SMAD6: variants seen among roughly 807,000 people sequenced by gnomAD.
The protein encoded by SMAD6 is MAD homolog 6.
Under a neutral mutation model 39.4 loss-of-function variants are expected in SMAD6, and 103 were observed. The observed-to-expected ratio is 2.62, with a 90% CI of 2.23 to 3.08. The LOEUF (loss-of-function observed/expected upper bound fraction) is 3.08, where lower values mean the gene tolerates loss of function less well. Ranked by LOEUF, SMAD6 falls within the 30% of genes most tolerant of loss-of-function variation. The pLI is 0.00. For missense variants in SMAD6, 1,104 were observed against 742.9 expected (o/e 1.49, Z -5.65); for synonymous variants, 445 against 353.3 (o/e 1.26, Z -2.91).
chr15:66,726,124 C>G (rs182172015), intron 3 of SMAD6, among the ~76,000 whole-genome samples: 4 of 152,142 alleles, frequency 2.6e-5, no homozygotes, highest in Non-Finnish European at 5.9e-5. Flanking sequence ...CTCCCAGGCC[C>G]CTTCTCTGCA....
intron 3 of SMAD6, among the ~76,000 whole-genome samples, chr15:66,751,696 G>A (rs1250542498): frequency 6.6e-6 from 1 of 152,258 alleles, no homozygotes; most frequent in African/African-American, 2.4e-5. Context: ...TCTTCAGTGG[G>A]TCATTGTGCC....
chr15:66,758,080 A>G (rs541367398), intron 3 of SMAD6, among the ~76,000 whole-genome samples: 7 of 152,326 alleles, frequency 4.6e-5, no homozygotes, highest in African/African-American at 1.4e-4. Flanking sequence ...CTGCGGGTGG[A>G]CGCAGTGGCA....
At chr15:66,736,535 T>C (rs1405348080) in intron 3 of SMAD6, among the ~76,000 whole-genome samples, 1 of 152,174 alleles carries the variant, frequency 6.6e-6, no homozygotes, top group Non-Finnish European at 1.5e-5. Flanking sequence ...CAGGGCCTCA[T>C]GAGGGTGCTG....
chr15:66,703,468 C>G lies in SMAD6; in HGVS notation c.210C>G (p.Asp70Glu), dbSNP rs1045719756. ...CGGTAGCCCCGCGGCGGCCCCGGGACGCAGTGGGACAGCGAGGCGCCCAGG... is the reference window on the plus strand; with the variant it reads ...CGGTAGCCCCGCGGCGGCCCCGGGAGGCAGTGGGACAGCGAGGCGCCCAGG... Reference protein sequence around the residue: ...VRPVAPRRPRDAVGQRGAQGA... With the variant: ...VRPVAPRRPREAVGQRGAQGA... The change falls in exon 1 of 4, where the codon GAC becomes GAG. Residue 70 changes from aspartate to glutamate, a missense_variant. By Grantham distance (45) the Asp-to-Glu change is conservative. Coordinates refer to ENST00000288840, the MANE Select transcript of SMAD6 (RefSeq NM_005585.5). 2.4e-6 allele frequency: 3 copies of G among 1,248,720 alleles called. No individual in the cohort carries two copies. The highest frequency in any genetic ancestry group is 7.5e-5 in the South Asian group (2 of 26,550). 77.4% of individuals were successfully genotyped at this position (1,248,720 alleles called of 1,614,324 possible).
intron 3 of SMAD6, among the ~76,000 whole-genome samples, chr15:66,729,528 T>G (rs1224399230): frequency 6.6e-6 from 1 of 152,098 alleles, no homozygotes; most frequent in Non-Finnish European, 1.5e-5. Flanking sequence ...GCAGTGTCCT[T>G]TGGGGCTTTG....
At chr15:66,723,691 A>T (rs1045472776) in intron 3 of SMAD6, among the ~76,000 whole-genome samples, 1 of 152,220 alleles carries the variant, frequency 6.6e-6, no homozygotes, top group Admixed American at 6.5e-5. Context: ...AGTAAGAAAC[A>T]TAAAAATTAA....
At chr15:66,710,275 G>A (rs1313788559) in intron 1 of SMAD6, among the ~76,000 whole-genome samples, 1 of 152,218 alleles carries the variant, frequency 6.6e-6, no homozygotes, top group African/African-American at 2.4e-5. Flanking sequence ...GTCTAAAATA[G>A]TAAAATTGAA....
At chr15:66,760,274 C>T (rs891692100) in intron 3 of SMAD6, among the ~76,000 whole-genome samples, 14 of 152,268 alleles carry the variant, frequency 9.2e-5, no homozygotes, top group Admixed American at 3.3e-4. Context: ...AGATGTGTCT[C>T]GGTCTCCTGG....
chr15:66,779,723 T>G (rs1894525640), intron 3 of SMAD6, among the ~76,000 whole-genome samples: 1 of 152,204 alleles, frequency 6.6e-6, no homozygotes, highest in Non-Finnish European at 1.5e-5. Context: ...TCAGTTTTCC[T>G]CAGAAAAAGA....
intron 3 of SMAD6, among the ~76,000 whole-genome samples, chr15:66,745,563 C>G (rs1363729439): frequency 1.3e-5 from 2 of 152,230 alleles, no homozygotes; most frequent in Non-Finnish European, 2.9e-5. Flanking sequence ...GCACAAACAC[C>G]CATCTTAGAT....
chr15:66,746,129 C>T (rs1458299961), intron 3 of SMAD6, among the ~76,000 whole-genome samples: 3 of 152,234 alleles, frequency 2.0e-5, no homozygotes, highest in African/African-American at 7.2e-5. Flanking sequence ...CCTCTGCCCA[C>T]CCCTTCTGGA....
rs1413178530 is a variant in SMAD6, at chr15:66,703,208, C to T, written c.-51C>T. ...GGCGCCTCGCTGAGGGAACGGACCC[C>T]CGGTAACCGGAGACCGCCTCCCCCC... On this transcript the variant is annotated 5_prime_UTR_variant, in exon 1 of 4. Coordinates refer to ENST00000288840, the MANE Select transcript of SMAD6 (RefSeq NM_005585.5). The T allele has an allele frequency of 2.9e-5, 38 of 1,296,362 alleles. No homozygotes were observed. Among genetic ancestry groups the T allele is most frequent in the Admixed American group, 3.9e-5 (1 of 25,732 alleles). 80.3% of individuals were successfully genotyped at this position (1,296,362 alleles called of 1,614,324 possible). A position where few individuals can be genotyped will look rare whatever the true frequency, so the allele number is the denominator to read the frequency against.
At position 66,703,568 on chromosome 15, in the gene SMAD6, C is replaced by T; in HGVS notation, c.310C>T (p.Leu104=). 2 of 1,225,380 alleles carry T rather than the reference C, an allele frequency of 1.6e-6. No individual in the cohort carries two copies. Among genetic ancestry groups the T allele is most frequent in the Non-Finnish European group, 2.0e-6 (2 of 981,066 alleles). The allele number at this position is 1,225,380 out of a possible 1,614,324, so 75.9% of individuals were successfully genotyped here. ...SEPGAGAGSS[L]LDVAEPGGPG... ...GCCAGGGGCCGGCGCTGGGAGCTCC[C>T]TGCTGGACGTGGCGGAGCCGGGAGG... The change falls in exon 1 of 4, where the codon CTG becomes TTG. Residue 104 remains leucine, a synonymous_variant. Transcript: ENST00000288840.
chr15:66,736,594 T>A (rs1287982076), intron 3 of SMAD6, among the ~76,000 whole-genome samples: 1 of 152,138 alleles, frequency 6.6e-6, no homozygotes. Flanking sequence ...TGAAAAAATA[T>A]TGATGCCTGG....
chr15:66,729,774 G>A (rs1259128708), intron 3 of SMAD6, among the ~76,000 whole-genome samples: 1 of 152,260 alleles, frequency 6.6e-6, no homozygotes, highest in East Asian at 1.9e-4. Context: ...GGTTTTCCAC[G>A]GAAATAACTT....
At chr15:66,749,629 T>A (rs868732708) in intron 3 of SMAD6, among the ~76,000 whole-genome samples, 8 of 151,956 alleles carry the variant, frequency 5.3e-5, no homozygotes, top group Middle Eastern at 3.4e-3. Context: ...AACAAAAAAA[T>A]TTAATGGAGT....
At chr15:66,731,431 C>T (rs1893627069) in intron 3 of SMAD6, among the ~76,000 whole-genome samples, 1 of 108,812 alleles carries the variant, frequency 9.2e-6, no homozygotes, top group Admixed American at 9.3e-5. Flanking sequence ...GAGCGAGACT[C>T]CGTCTCAAAA....
chr15:66,780,799 C>T lies in SMAD6; in HGVS notation c.953-198C>T, dbSNP rs12591871. 7.9e-3 allele frequency among the ~76,000 whole-genome samples: 1,210 copies of T among 152,314 alleles called. 94 individuals carry two copies. The East Asian group carries it at 0.17, about 21-fold the overall frequency. On this transcript the variant is annotated intron_variant, in intron 3 of 3. Coordinates refer to ENST00000288840, the MANE Select transcript of SMAD6 (RefSeq NM_005585.5). ...ACCTTTGTTTTCTCCTTTGTGTGAG[C>T]TTGTGTGTGTGAAAGAGATGTCCCG...
chr15:66,719,642 C>T (rs2119261), intron 3 of SMAD6, among the ~76,000 whole-genome samples: 65,152 of 152,068 alleles, frequency 0.43, 14,567 homozygotes, highest in African/African-American at 0.54. Flanking sequence ...TATCCAGCTC[C>T]ATGGTCTCTG....
Sources: gnomAD v4.1 joint callset for allele counts (sites outside exome capture counted in the v4.1 genomes callset) on GRCh38, gnomAD v4.1.1 for gene constraint, MANE v1.5 for transcripts, NCBI Gene and HGNC (gene_info 2026-07-23, HGNC 2026-07-21) for gene names.